The following PKD1 variants were observed in gnomAD, a reference collection of about 807,000 sequenced individuals.
The protein encoded by PKD1 is polycystin-1.
A neutral mutation model predicts 361.7 loss-of-function variants in PKD1; 81 were observed. The ratio of observed to expected loss-of-function variants is 0.22; its 90% CI spans 0.19 to 0.27. The LOEUF (loss-of-function observed/expected upper bound fraction) is 0.27, where lower values mean the gene tolerates loss of function less well. PKD1 is among the 10% of genes least tolerant of loss of function. The pLI, the probability that PKD1 is intolerant of heterozygous loss-of-function variation, is 1.00. For synonymous variants in PKD1, 3,615 were observed against 2,818.3 expected (o/e 1.28, Z -8.95); for missense variants, 6,399 against 6,118.3 (o/e 1.05, Z -1.53).
intron 1 of PKD1, among the ~76,000 whole-genome samples, chr16:2,127,189 G>A (rs989658814): frequency 6.6e-6 from 1 of 152,222 alleles, no homozygotes; most frequent in African/African-American, 2.4e-5. Flanking sequence ...AGCGGGGTCC[G>A]CACATCAGGG....
At chr16:2,090,636 T>C (rs2091460788) in intron 44 of PKD1, 38 bp downstream of exon 44, 2 of 1,610,152 alleles carry the variant, frequency 1.2e-6, no homozygotes, top group Non-Finnish European at 1.7e-6. Flanking sequence ...TGAGCTGAGC[T>C]GAGCTAAGAC....
chr16:2,091,355 G>T (rs1239857086), intron 42 of PKD1, 68 bp downstream of exon 42: 1 of 893,018 alleles, frequency 1.1e-6, no homozygotes, highest in East Asian at 6.8e-5. Context: ...CGCTGCCGGG[G>T]CGGGGCCCCG....
rs745818829 is a variant in PKD1, at chr16:2,111,003, C to T, written c.4164G>A (p.Glu1388=). Residue 1388 remains glutamate (E), a synonymous_variant, in exon 15 of 46, where the codon GAG becomes GAA. Transcript: ENST00000262304. Reference sequence around the variant, plus strand: ...CGTCCCCGAGCTGCACAAACTGCCTCTCTGGCTGCAGGGTGACGTTGCCCA... The same window carrying T: ...CGTCCCCGAGCTGCACAAACTGCCTTTCTGGCTGCAGGGTGACGTTGCCCA... ...PEVGNVTLQP[E]RQFVQLGDEA... is the part of the protein sequence containing the mutation. 4.0e-5 allele frequency: 65 copies of T among 1,610,588 alleles called. No individual in the cohort carries two copies. The East Asian group carries it at 1.4e-3, about 34-fold the overall frequency.
rs781568534 is a variant in PKD1, at chr16:2,100,108, G to C, written c.9713-37C>G. 5 of 1,602,778 alleles carry C rather than the reference G, an allele frequency of 3.1e-6. No individual in the cohort carries two copies. The highest frequency in any genetic ancestry group is 4.3e-6 in the Non-Finnish European group (5 of 1,174,152). ...GGAGGGCCGCACTGCAGGAGGCCAC[G>C]GGGCAGGACCACCCTGCCCAACCTC... On this transcript the variant is annotated intron_variant, in intron 28 of 45. Coordinates refer to ENST00000262304, the MANE Select transcript of PKD1 (RefSeq NM_001009944.3). The surrounding 1 kb of genome is among the most constrained non-coding windows in gnomAD (Gnocchi z 4.4).
intron 36 of PKD1, 26 bp from the exon 37 acceptor site, chr16:2,093,764 G>T (rs377023853): frequency 1.3e-6 from 2 of 1,564,914 alleles, no homozygotes; most frequent in East Asian, 4.7e-5. Context: ...CTTCAGAGGG[G>T]TCCCCCGTGA....
At position 2,100,445 on chromosome 16, in the gene PKD1, C is replaced by T. The variant is rs376007341; in HGVS notation, c.9519G>A (p.Pro3173=). ...TCTTCCACACGCTACCCAGGCTGTG[C>T]GGGGTGGCGATCCGGAAGATGTCCA... ...NSLDIFRIAT[P]HSLGSVWKIR... The change falls in exon 27 of 46, where the codon CCG becomes CCA. Residue 3173 remains proline, a synonymous_variant. Transcript: ENST00000262304. The surrounding 1 kb of genome is among the most constrained non-coding windows in gnomAD (Gnocchi z 4.4). 48 of 1,610,894 alleles carry T rather than the reference C, an allele frequency of 3.0e-5. No homozygotes were observed. The highest frequency in any genetic ancestry group is 1.5e-4 in the Admixed American group (9 of 59,998).
Position 2,106,127 on chromosome 16 carries a change from T to C in PKD1, c.7667A>G (p.Gln2556Arg). 6.2e-7 allele frequency: 1 copy of C among 1,605,954 alleles called. No homozygotes were observed. The highest frequency in any genetic ancestry group is 1.1e-5 in the South Asian group (1 of 90,656). Residue 2556 changes from glutamine to arginine, a missense_variant, in exon 19 of 46, where the codon CAG becomes CGG. Coordinates refer to ENST00000262304, the MANE Select transcript of PKD1 (RefSeq NM_001009944.3). The surrounding 1 kb of genome is among the most constrained non-coding windows in gnomAD (Gnocchi z 6.5). ...HFEVGLAVVV[Q>R]DQLGAAVVAL... ...GACCACAGCGGCTCCCAGCTGGTCC[T>C]GCACCACCACGGCCAGGCCCACCTC...
chr16:2,116,810 C>T (rs1176947104), intron 7 of PKD1, 23 bp downstream of exon 7: 11 of 1,418,108 alleles, frequency 7.8e-6, no homozygotes, highest in East Asian at 5.0e-5. Context: ...GCGTCTCAGG[C>T]CCCTGCCTGG....
intron 30 of PKD1, 174 bp downstream of exon 30, chr16:2,099,470 C>T: frequency 4.3e-6 from 3 of 704,246 alleles, no homozygotes; most frequent in Non-Finnish European, 7.6e-6. Flanking sequence ...TGAGTCTTCT[C>T]TCTTTCTCCC....
chr16:2,093,490 A>T, intron 37 of PKD1, 54 bp downstream of exon 37: 1 of 1,489,850 alleles, frequency 6.7e-7, no homozygotes, highest in South Asian at 1.2e-5. Flanking sequence ...CATGGGTGGG[A>T]GGTGGGAGAC....
intron 34 of PKD1, among the ~76,000 whole-genome samples, chr16:2,096,618 C>T (rs181831342): frequency 5.1e-4 from 77 of 152,204 alleles, no homozygotes; most frequent in Admixed American, 2.2e-3. Context: ...CAGGTTCAAT[C>T]GATTCTCCTA....
chr16:2,088,975 G>A lies in PKD1; in HGVS notation c.*752C>T, dbSNP rs1596467715. 2 of 306,972 alleles carry A rather than the reference G, an allele frequency of 6.5e-6. No individual in the cohort carries two copies. Among genetic ancestry groups the A allele is most frequent in the East Asian group, 1.4e-4 (2 of 14,182 alleles). 19.0% of individuals were successfully genotyped at this position (306,972 alleles called of 1,614,324 possible). A position where few individuals can be genotyped will look rare whatever the true frequency, so the allele number is the denominator to read the frequency against. ...TAACCACCCTGGGGTCCTCTGACAT[G>A]CCTAGTCCTGCTACTTGCCCAGACC... On this transcript the variant is annotated 3_prime_UTR_variant, in exon 46 of 46. Transcript: ENST00000262304.
rs1040303746 is a variant in PKD1 at position 2,104,616 on chromosome 16, G to A, written c.8043C>T (p.Arg2681=). Residue 2681 remains arginine (R), a synonymous_variant, in exon 22 of 46, where the codon CGC becomes CGT. Transcript: ENST00000262304. The part of the protein sequence containing the change: ...CMGPSRELVC[R]SCLKQTLHKL... ...TGTGCAGCGTCTGCTTCAGGCACGA[G>A]CGGCATACGAGCTCCCTGCTGGGCC... is the stretch of plus-strand genomic sequence containing the variant. 3 of 1,584,546 alleles carry A rather than the reference G, an allele frequency of 1.9e-6. No individual in the cohort carries two copies. Among genetic ancestry groups the A allele is most frequent in the Non-Finnish European group, 8.6e-7 (1 of 1,165,236 alleles).
intron 1 of PKD1, among the ~76,000 whole-genome samples, chr16:2,127,339 C>T (rs1431317222): frequency 6.6e-6 from 1 of 152,202 alleles, no homozygotes. Context: ...TCAAAAGGCA[C>T]CAATGGGCAA....
In PKD1 at chr16:2,097,873, C is replaced by T. The variant is rs369548825; in HGVS notation, c.10162G>A (p.Ala3388Thr). 1.4e-5 allele frequency: 22 copies of T among 1,604,894 alleles called. No homozygotes were observed. The highest frequency in any genetic ancestry group is 4.5e-4 in the Middle Eastern group (2 of 4,446). Residue 3388 changes from alanine (A) to threonine (T), a missense_variant, in exon 31 of 46, where the codon GCT becomes ACT. Physicochemically the swap from Ala to Thr is moderately conservative, Grantham distance 58 (BLOSUM62 0). Transcript: ENST00000262304. Reference sequence around the variant, plus strand: ...ACCCCCAGTAGAGTCCTCACCTCAGCGTGGAGGCCTGAGAACGTGAGGAAG... The same window carrying T: ...ACCCCCAGTAGAGTCCTCACCTCAGTGTGGAGGCCTGAGAACGTGAGGAAG... ...SSFLTFSGLH[A>T]EQAFVGQMKS...
At chr16:2,116,448 C>T (rs1422719852) in intron 8 of PKD1, 81 bp downstream of exon 8, 6 of 772,066 alleles carry the variant, frequency 7.8e-6, no homozygotes, top group Non-Finnish European at 1.3e-5. Context: ...AGTTTTTTGG[C>T]GAGACCCACA....
chr16:2,112,429 G>C lies in PKD1; in HGVS notation c.3206C>G (p.Pro1069Arg). The change falls in exon 14 of 46, where the codon CCT becomes CGT. Residue 1069 changes from proline to arginine, a missense_variant. Transcript: ENST00000262304. ...AACCGGGAAGGACTCGTTGTACGGAGGCTGGAACTGGTGGAGGGCCTGCTC... is the reference window on the plus strand; with the variant it reads ...AACCGGGAAGGACTCGTTGTACGGACGCTGGAACTGGTGGAGGGCCTGCTC... ...DGEQALHQFQ[P>R]PYNESFPVPD... 1 of 1,585,538 alleles carries C rather than the reference G, an allele frequency of 6.3e-7. No individual in the cohort carries two copies. The highest frequency in any genetic ancestry group is 8.5e-7 in the Non-Finnish European group (1 of 1,172,980).
Position 2,090,191 on chromosome 16 carries a change from G to A in PKD1, c.12448C>T (p.Arg4150Cys), listed in dbSNP as rs1282668884. 1 of 1,604,492 alleles carries A rather than the reference G, an allele frequency of 6.2e-7. No homozygotes were observed. Among genetic ancestry groups the A allele is most frequent in the Non-Finnish European group, 8.5e-7 (1 of 1,175,582 alleles). ...WMGLSKVKEF[R>C]HKVRFEGMEP... The stretch of plus-strand genomic sequence containing the variant: ...ATCCCTTCAAAGCGGACTTTGTGGC[G>A]GAACTGGGGGCGGCACAGGGGCTCA... The change falls in exon 46 of 46, where the codon CGC becomes TGC. Residue 4150 changes from arginine (R) to cysteine (C), a missense_variant. Arg to Cys is a radical substitution (Grantham distance 180). Coordinates refer to ENST00000262304, the MANE Select transcript of PKD1 (RefSeq NM_001009944.3).
At chr16:2,117,745 T>C in intron 5 of PKD1, 46 bp downstream of exon 5, 1 of 1,192,900 alleles carries the variant, frequency 8.4e-7, no homozygotes, top group Admixed American at 1.9e-5. Flanking sequence ...CTCTGCCCCA[T>C]CTGGATGGCC....
Sources: gnomAD v4.1 joint callset for allele counts (sites outside exome capture counted in the v4.1 genomes callset) on GRCh38, gnomAD v4.1.1 for gene constraint, Gnocchi (gnomAD v3.1) non-coding constraint, MANE v1.5 for transcripts, NCBI Gene and HGNC (gene_info 2026-07-23, HGNC 2026-07-21) for gene names.